Variants in MATN2 observed in about 807,000 individuals in gnomAD.
The protein encoded by MATN2 is matrilin-2.
MATN2 carries 69 observed loss-of-function variants against 103.2 expected under a neutral mutation model. The ratio of observed to expected loss-of-function variants is 0.67; its 90% confidence interval spans 0.55 to 0.82. The LOEUF is 0.82. MATN2 is among the 40% of genes least tolerant of loss of function. The pLI is 0.00. For missense variants in MATN2, 1,023 were observed against 1,211.5 expected, an observed-to-expected ratio of 0.84 and a Z score of 2.31; for synonymous variants, 429 against 450.2, an observed-to-expected ratio of 0.95 and a Z score of 0.60.
intron 10 of MATN2, among the ~76,000 whole-genome samples, chr8:98,014,917 T>C (rs1563727012): frequency 6.6e-6 from 1 of 152,194 alleles, no homozygotes; most frequent in Non-Finnish European, 1.5e-5. Flanking sequence ...ATTTTAGAAA[T>C]TCTACTCAAT....
At chr8:97,992,864 G>A (rs977667674) in intron 6 of MATN2, among the ~76,000 whole-genome samples, 1 of 150,390 alleles carries the variant, frequency 6.6e-6, no homozygotes, top group Non-Finnish European at 1.5e-5. Context: ...AGGTTGCAGT[G>A]AGCCTAGATT....
intron 2 of MATN2, among the ~76,000 whole-genome samples, chr8:97,901,468 G>C (rs183643234): frequency 2.4e-4 from 36 of 152,232 alleles, no homozygotes; most frequent in Middle Eastern, 3.4e-3. Context: ...GGCCAGGCTG[G>C]TCTTGAACTC....
At chr8:97,996,103 G>A (rs755899045) in intron 7 of MATN2, among the ~76,000 whole-genome samples, 12 of 152,148 alleles carry the variant, frequency 7.9e-5, no homozygotes, top group Non-Finnish European at 1.5e-4. Context: ...AGTGGGCGGT[G>A]ATTAGATCTG....
chr8:97,977,375 G>A (rs903789022), intron 5 of MATN2, among the ~76,000 whole-genome samples: 6 of 150,622 alleles, frequency 4.0e-5, no homozygotes, highest in African/African-American at 1.2e-4. Context: ...ATTAGAGCAC[G>A]CCACCCTAAT....
At chr8:97,994,742 CT>C in intron 7 of MATN2, 140 bp downstream of exon 7, 1 of 953,074 alleles carries the variant, frequency 1.0e-6, no homozygotes, top group Non-Finnish European at 1.5e-6. Context: ...CTTTATTTTA[CT>C]TTTTGGCTCA....
chr8:97,932,334 G>C (rs1347969875), intron 3 of MATN2, among the ~76,000 whole-genome samples: 2 of 152,108 alleles, frequency 1.3e-5, no homozygotes, highest in African/African-American at 2.4e-5. Context: ...CCCCATGGTG[G>C]TGCTGGCAGG....
At chr8:97,889,370 G>A (rs1020949437) in intron 2 of MATN2, among the ~76,000 whole-genome samples, 1 of 151,098 alleles carries the variant, frequency 6.6e-6, no homozygotes. Context: ...AATGTGAAAA[G>A]GAGTGGGAAG....
rs112395555 is a variant in MATN2, at chr8:97,888,250, G to A, written c.142+8G>A. The A allele has an allele frequency of 2.0e-6, 3 of 1,537,862 alleles. No homozygotes were observed. The African/African-American group carries it at 4.1e-5, about 21-fold the overall frequency. On this transcript the variant is annotated splice_region_variant and intron_variant, in intron 2 of 18. Coordinates refer to ENST00000254898, the MANE Select transcript of MATN2 (RefSeq NM_002380.5). ...CGCAGACGGCCCTTCTGGGTGAGTG[G>A]TGGTGCTCACCCCCAAAAGTGGGCA...
At chr8:97,907,885 C>G (rs1487981805) in intron 2 of MATN2, among the ~76,000 whole-genome samples, 1 of 152,134 alleles carries the variant, frequency 6.6e-6, no homozygotes, top group Non-Finnish European at 1.5e-5. Flanking sequence ...CGCCTATAAT[C>G]CCAGCACTTT....
intron 5 of MATN2, among the ~76,000 whole-genome samples, chr8:97,976,249 C>T (rs1811833886): frequency 6.6e-6 from 1 of 152,064 alleles, no homozygotes. Context: ...GCTGGGATTA[C>T]AGGCACCTGC....
intron 1 of MATN2, among the ~76,000 whole-genome samples, chr8:97,886,078 G>T (rs939306765): frequency 1.3e-5 from 2 of 151,906 alleles, no homozygotes; most frequent in South Asian, 4.2e-4. Flanking sequence ...ACAAATTAAG[G>T]CATTAGATTC....
At chr8:97,930,153 C>G (rs1019600460) in intron 2 of MATN2, among the ~76,000 whole-genome samples, 1 of 152,184 alleles carries the variant, frequency 6.6e-6, no homozygotes, top group Non-Finnish European at 1.5e-5. Flanking sequence ...CTCCTTGACC[C>G]CAGCCCATTC....
At position 97,941,867 on chromosome 8, in the gene MATN2, A is replaced by C; in HGVS notation, c.803A>C (p.Tyr268Ser). 3 of 1,613,612 alleles carry C rather than the reference A, an allele frequency of 1.9e-6. No homozygotes were observed. Among genetic ancestry groups the C allele is most frequent in the Non-Finnish European group, 2.5e-6 (3 of 1,179,590 alleles). Residue 268 changes from tyrosine to serine, a missense_variant, in exon 4 of 19, where the codon TAC (tyrosine) becomes TCC (serine). Coordinates refer to ENST00000254898, the MANE Select transcript of MATN2 (RefSeq NM_002380.5). ...TACGTCTGCAGGTGCAAACAAGGCT[A>C]CATTCTCAACTCGGATCAGACGACT... The part of the protein sequence containing the change: ...GSYVCRCKQG[Y>S]ILNSDQTTCR...
chr8:97,874,643 G>A (rs1818006149), intron 1 of MATN2, among the ~76,000 whole-genome samples: 1 of 151,712 alleles, frequency 6.6e-6, no homozygotes, highest in Admixed American at 6.6e-5. Context: ...TTCGACTCCT[G>A]GGCTCAAGCA....
rs200280956 is a variant in MATN2 at position 97,931,164 on chromosome 8, C to T, written c.354C>T (p.Ser118=). ...EFSLKTFKRK[S]EVERAVKRMR... is the part of the protein sequence containing the mutation. ...CCCTCAAGACCTTCAAGAGGAAGTC[C>T]GAGGTGGAGCGTGCTGTCAAGAGGA... Residue 118 remains serine (S), a synonymous_variant, in exon 3 of 19, where the codon TCC becomes TCT. Coordinates refer to ENST00000254898, the MANE Select transcript of MATN2 (RefSeq NM_002380.5). This position sits in a 1 kb window ranked among gnomAD's most constrained non-coding sequence, Gnocchi z 4.1. 1.8e-4 allele frequency: 295 copies of T among 1,613,642 alleles called. 3 individuals carry two copies. The East Asian group carries it at 4.3e-3, about 23-fold the overall frequency.
intron 6 of MATN2, among the ~76,000 whole-genome samples, chr8:97,993,183 T>A (rs1812457324): frequency 1.3e-5 from 2 of 152,192 alleles, no homozygotes; most frequent in Admixed American, 6.6e-5. Context: ...GGCATCTCAC[T>A]CAACATTTTT....
chr8:97,946,415 A>G lies in MATN2; in HGVS notation c.835+4516A>G, dbSNP rs1810754673. On this transcript the variant is annotated intron_variant, in intron 4 of 18. Transcript: ENST00000254898. ...GCCTTTCAAAAAGTCTTCCCTGTCA[A>G]ATACCATTATATGAGATATATGCAA... Among the ~76,000 whole-genome samples the G allele has an allele frequency of 4.6e-5, 7 of 152,288 alleles. No individual in the cohort carries two copies. In the South Asian group the frequency reaches 1.5e-3, roughly 32 times the overall value.
chr8:98,010,548 AC>A (rs2130397829), intron 10 of MATN2, among the ~76,000 whole-genome samples: 1 of 152,124 alleles, frequency 6.6e-6, no homozygotes, highest in Non-Finnish European at 1.5e-5. Context: ...GAACTTGTGG[AC>A]TGCCGTGACC....
At chr8:97,918,039 T>C (rs1361965268) in intron 2 of MATN2, among the ~76,000 whole-genome samples, 1 of 152,130 alleles carries the variant, frequency 6.6e-6, no homozygotes, top group African/African-American at 2.4e-5. Context: ...GAGCTGAGAC[T>C]GCACCACTGC....
Sources: gnomAD v4.1 joint callset for allele counts (sites outside exome capture counted in the v4.1 genomes callset) on GRCh38, gnomAD v4.1.1 for gene constraint, Gnocchi (gnomAD v3.1) non-coding constraint, MANE v1.5 for transcripts, NCBI Gene and HGNC (gene_info 2026-07-23, HGNC 2026-07-21) for gene names.